RIC1: variants seen among roughly 807,000 people sequenced by gnomAD.
The protein encoded by RIC1 is guanine nucleotide exchange factor subunit RIC1.
A neutral mutation model predicts 169.0 loss-of-function variants in RIC1; 88 were observed. The ratio of observed to expected loss-of-function variants is 0.52; its 90% CI spans 0.44 to 0.62. The LOEUF (loss-of-function observed/expected upper bound fraction) is 0.62. Ranked by LOEUF, RIC1 falls within the 20% of genes least tolerant of loss-of-function variation. The pLI, the probability that RIC1 is intolerant of heterozygous loss-of-function variation, is 0.00. For missense variants in RIC1, 1,877 were observed against 1,725.5 expected (o/e 1.09, Z -1.56); for synonymous variants, 790 against 601.5 (o/e 1.31, Z -4.59).
intron 17 of RIC1, among the ~76,000 whole-genome samples, chr9:5,757,982 T>C (rs1317154998): frequency 1.3e-5 from 2 of 152,186 alleles, no homozygotes; most frequent in African/African-American, 2.4e-5. Context: ...GTAGGTATTA[T>C]TAGATCTAAG....
chr9:5,691,417 A>C (rs1821584765), intron 3 of RIC1, among the ~76,000 whole-genome samples: 1 of 151,980 alleles, frequency 6.6e-6, no homozygotes, highest in East Asian at 1.9e-4. Context: ...TTTTTGTAAC[A>C]AGTATAGTGC....
chr9:5,659,781 G>A (rs1412427044), intron 2 of RIC1, among the ~76,000 whole-genome samples: 1 of 152,048 alleles, frequency 6.6e-6, no homozygotes, highest in African/African-American at 2.4e-5. Flanking sequence ...TATTGTAAAT[G>A]GAATTGTTTT....
intron 1 of RIC1, among the ~76,000 whole-genome samples, chr9:5,652,343 C>T (rs903835907): frequency 1.3e-5 from 2 of 152,178 alleles, no homozygotes; most frequent in African/African-American, 4.8e-5. Context: ...AATCTATAAA[C>T]ATGGGATATC....
At position 5,638,871 on chromosome 9, in the gene RIC1, C is replaced by G. The variant is rs948967514; in HGVS notation, c.144+9418C>G. Among the ~76,000 whole-genome samples the G allele has an allele frequency of 7.3e-4, 111 of 152,116 alleles. 2 individuals carry two copies. The highest frequency in any genetic ancestry group is 2.5e-3 in the African/African-American group (103 of 41,508). On this transcript the variant is annotated intron_variant, in intron 1 of 25. Transcript: ENST00000414202. ...ACTAATTTTGGGTTGTTTGCTCTTG[C>G]TTTTCTTGTTGTTTAAGAGGCATCA...
chr9:5,657,793 A>T (rs2130461405), intron 2 of RIC1, among the ~76,000 whole-genome samples: 1 of 152,270 alleles, frequency 6.6e-6, no homozygotes, highest in South Asian at 2.1e-4. Context: ...GCCTGTTTGT[A>T]CACAGACCAT....
intron 23 of RIC1, among the ~76,000 whole-genome samples, chr9:5,771,200 C>T (rs1364372782): frequency 6.6e-6 from 1 of 152,208 alleles, no homozygotes; most frequent in African/African-American, 2.4e-5. Context: ...GTATATGTTA[C>T]TTAATAACAG....
At chr9:5,777,287 T>G (rs1827641264), downstream of RIC1, among the ~76,000 whole-genome samples, 1 of 152,052 alleles carries the variant, frequency 6.6e-6, no homozygotes, top group African/African-American at 2.4e-5. Context: ...TTTTCACTTT[T>G]TTAGGTTTCA....
chr9:5,640,863 A>G (rs565214800), intron 1 of RIC1, among the ~76,000 whole-genome samples: 117 of 152,216 alleles, frequency 7.7e-4, no homozygotes, highest in African/African-American at 2.7e-3. Flanking sequence ...TTCACTGGAT[A>G]TACTGTTCTA....
At chr9:5,751,646 T>G (rs931364909) in intron 12 of RIC1, among the ~76,000 whole-genome samples, 11 of 152,148 alleles carry the variant, frequency 7.2e-5, no homozygotes, top group African/African-American at 2.7e-4. Flanking sequence ...TGAGCCACGG[T>G]GCCTGGCCCA....
chr9:5,703,476 C>T (rs1822362141), intron 3 of RIC1, among the ~76,000 whole-genome samples: 2 of 152,132 alleles, frequency 1.3e-5, no homozygotes, highest in Non-Finnish European at 2.9e-5. Context: ...GCAGTCATTC[C>T]CTGTTCTCTT....
At chr9:5,724,191 G>A (rs182634764) in intron 6 of RIC1, among the ~76,000 whole-genome samples, 2 of 152,304 alleles carry the variant, frequency 1.3e-5, no homozygotes, top group African/African-American at 2.4e-5. Flanking sequence ...CTATCCATGA[G>A]CATGGAAAGT....
intron 2 of RIC1, among the ~76,000 whole-genome samples, chr9:5,689,210 G>A (rs374155209): frequency 1.5e-4 from 22 of 151,596 alleles, no homozygotes; most frequent in East Asian, 1.9e-4. Flanking sequence ...CACCACGCCC[G>A]GCTAATTTTT....
chr9:5,748,943 C>T (rs1184834595), intron 12 of RIC1, among the ~76,000 whole-genome samples: 1 of 152,124 alleles, frequency 6.6e-6, no homozygotes, highest in Non-Finnish European at 1.5e-5. Context: ...CTTGAGTTTA[C>T]CTAGTTTATC....
chr9:5,717,841 T>TAA (rs71326184), intron 4 of RIC1, among the ~76,000 whole-genome samples: 1 of 118,662 alleles, frequency 8.4e-6, no homozygotes, highest in African/African-American at 3.2e-5. Flanking sequence ...TGTTTAAAAA[T>TAA]AAAAAAAAAA....
At position 5,657,347 on chromosome 9, in the gene RIC1, A is replaced by G. The variant is rs924560580; in HGVS notation, c.252+657A>G. Among the ~76,000 whole-genome samples the G allele has an allele frequency of 5.3e-5, 8 of 152,064 alleles. No homozygotes were observed. The East Asian group carries it at 1.5e-3, about 29-fold the overall frequency. On this transcript the variant is annotated intron_variant, in intron 2 of 25. Transcript: ENST00000414202. Reference sequence around the variant, plus strand: ...TGTTTCATCACTGTCTAAGGCTGTCATTATGACTTAATATGCATTAGCAGT... The same window carrying G: ...TGTTTCATCACTGTCTAAGGCTGTCGTTATGACTTAATATGCATTAGCAGT...
chr9:5,630,636 T>A (rs1817673587), intron 1 of RIC1, among the ~76,000 whole-genome samples: 1 of 152,200 alleles, frequency 6.6e-6, no homozygotes, highest in Non-Finnish European at 1.5e-5. Context: ...TGCCATCAAG[T>A]TTTGGCTGAT....
chr9:5,763,200 C>T lies in RIC1; in HGVS notation c.2173C>T (p.Arg725Ter). 1 of 1,614,054 alleles carries T rather than the reference C, an allele frequency of 6.2e-7. No individual in the cohort carries two copies. Among genetic ancestry groups the T allele is most frequent in the Non-Finnish European group, 8.5e-7 (1 of 1,180,002 alleles). The change falls in exon 19 of 26, where the codon CGA (arginine) becomes TGA (stop). Residue 725 changes from arginine to a stop codon, truncating the protein, a stop_gained. Coordinates refer to ENST00000414202, the MANE Select transcript of RIC1 (RefSeq NM_020829.4). LOFTEE classifies it high-confidence loss of function. The surrounding 1 kb of genome is among the most constrained non-coding windows in gnomAD (Gnocchi z 5.2). The part of the protein sequence containing the change: ...QSVENVWTTC[R>*]ANKQKRHLLE... ...TGTTGAAAATGTCTGGACAACGTGTCGAGCAAATAAACAGAAACGTCACCT... is the reference window on the plus strand; with the variant it reads ...TGTTGAAAATGTCTGGACAACGTGTTGAGCAAATAAACAGAAACGTCACCT...
intron 3 of RIC1, among the ~76,000 whole-genome samples, chr9:5,710,106 T>A (rs1172982262): frequency 6.6e-6 from 1 of 152,100 alleles, no homozygotes; most frequent in Non-Finnish European, 1.5e-5. Flanking sequence ...AGGAAGAGCA[T>A]CAAACTTGAG....
rs147902020 is a variant in RIC1, at chr9:5,630,269, T to C, written c.144+816T>C. The stretch of plus-strand genomic sequence containing the variant: ...AAGTGGTGGATGGGATACTCCCTAC[T>C]CTCTGCAAACACTGCTATAACTTTG... On this transcript the variant is annotated intron_variant, in intron 1 of 25. Transcript: ENST00000414202. Among the ~76,000 whole-genome samples, 625 of 152,328 alleles carry C rather than the reference T, an allele frequency of 4.1e-3. 3 individuals are homozygous for C. The highest frequency in any genetic ancestry group is 0.014 in the African/African-American group (590 of 41,576).
Sources: allele counts gnomAD v4.1 joint callset (sites outside exome capture counted in the v4.1 genomes callset), GRCh38; gene constraint gnomAD v4.1.1; non-coding constraint Gnocchi (gnomAD v3.1); transcripts MANE v1.5; gene names NCBI Gene and HGNC (gene_info 2026-07-23, HGNC 2026-07-21).